The following EML1 variants were observed in gnomAD, a reference collection of about 807,000 sequenced individuals.
EML1 encodes EMAP like 1, also known as echinoderm microtubule-associated protein-like 1.
A neutral mutation model predicts 110.4 loss-of-function variants in EML1; 27 were observed. That is an observed-to-expected ratio of 0.24 (90% CI 0.18 to 0.34). The LOEUF is 0.34. EML1 is among the 10% of genes least tolerant of loss of function. The pLI is 1.00. For missense variants in EML1, 741 were observed against 1,030.9 expected (o/e 0.72, Z 3.85); for synonymous variants, 344 against 385.8 (o/e 0.89, Z 1.27).
At chr14:99,846,386 G>A (rs1358532226) in intron 1 of EML1, among the ~76,000 whole-genome samples, 1 of 149,294 alleles carries the variant, frequency 6.7e-6, no homozygotes, top group Non-Finnish European at 1.5e-5. Flanking sequence ...AGGTTCAAGC[G>A]ATTCTCCTGC....
chr14:99,851,474 AT>A, intron 2 of EML1, among the ~76,000 whole-genome samples: 2 of 152,064 alleles, frequency 1.3e-5, no homozygotes, highest in East Asian at 3.9e-4. Flanking sequence ...CGCCCGGCTT[AT>A]TTTTTGTATT....
At chr14:99,857,669 A>T (rs2058927213) in intron 2 of EML1, among the ~76,000 whole-genome samples, 1 of 152,208 alleles carries the variant, frequency 6.6e-6, no homozygotes, top group African/African-American at 2.4e-5. Flanking sequence ...AAATGAATTC[A>T]TACAATATGT....
At chr14:99,843,714 C>G (rs1475252236) in intron 1 of EML1, among the ~76,000 whole-genome samples, 1 of 152,174 alleles carries the variant, frequency 6.6e-6, no homozygotes, top group Non-Finnish European at 1.5e-5. Flanking sequence ...CCAGTGCTGT[C>G]AACACTGACT....
intron 1 of EML1, among the ~76,000 whole-genome samples, chr14:99,826,332 C>T (rs1045687753): frequency 6.6e-6 from 1 of 152,014 alleles, no homozygotes; most frequent in Non-Finnish European, 1.5e-5. Flanking sequence ...AGGCTGGTTT[C>T]GAACACCTGA....
At chr14:99,793,159 AGGCCGCCCG>A (rs1378503966), upstream of EML1, among the ~76,000 whole-genome samples, 1 of 146,938 alleles carries the variant, frequency 6.8e-6, no homozygotes, top group African/African-American at 2.5e-5. Flanking sequence ...TGCGGCTCCC[AGGCCGCCCG>A]GGCCGCGCTC....
chr14:99,926,006 G>A (rs1389504566), intron 17 of EML1, among the ~76,000 whole-genome samples: 1 of 152,178 alleles, frequency 6.6e-6, no homozygotes, highest in African/African-American at 2.4e-5. Flanking sequence ...GTTCTTCCCT[G>A]CCAGGACCGC....
At chr14:99,854,877 C>T (rs1260174516) in intron 2 of EML1, among the ~76,000 whole-genome samples, 4 of 152,106 alleles carry the variant, frequency 2.6e-5, no homozygotes, top group Admixed American at 2.0e-4. Context: ...TGGGGCAATA[C>T]TCTGGTAGCA....
intron 1 of EML1, among the ~76,000 whole-genome samples, chr14:99,763,745 T>C (rs2057339207): frequency 6.6e-6 from 1 of 152,130 alleles, no homozygotes; most frequent in African/African-American, 2.4e-5. Flanking sequence ...ATCCCTCACC[T>C]CTCTGACCTC....
rs114152057 is a variant in EML1 at position 99,803,450 on chromosome 14, A to G, written c.67+9907A>G. Among the ~76,000 whole-genome samples the G allele has an allele frequency of 2.8e-3, 432 of 152,326 alleles. 2 individuals are homozygous for G. The highest frequency in any genetic ancestry group is 9.9e-3 in the African/African-American group (410 of 41,578). On this transcript the variant is annotated intron_variant, in intron 1 of 21. Transcript: ENST00000262233. ...CTACCCTTCAGCAAAGAACTGGTAG[A>G]CTTAGACATTCAGAAGAGAAGGCTT...
rs1204175377 is a variant in EML1 at position 99,901,101 on chromosome 14, G to A, written c.1008+62G>A. 8 of 1,417,940 alleles carry A rather than the reference G, an allele frequency of 5.6e-6. No homozygotes were observed. The Admixed American group carries it at 1.2e-4, about 21-fold the overall frequency. The allele number at this position is 1,417,940 out of a possible 1,614,324, so 87.8% of individuals were successfully genotyped here. A position where few individuals can be genotyped will look rare whatever the true frequency, so the allele number is the denominator to read the frequency against. On this transcript the variant is annotated intron_variant, in intron 9 of 21. Coordinates refer to ENST00000262233, the MANE Select transcript of EML1 (RefSeq NM_004434.3). ...CACAGGAAGTAGAGAATCAACTCAG[G>A]GTTGAAGAGGGGGAGTTGACACACT...
chr14:99,755,677 C>T (rs1377462335), intron 1 of EML1, among the ~76,000 whole-genome samples: 3 of 152,182 alleles, frequency 2.0e-5, no homozygotes, highest in Admixed American at 6.5e-5. Context: ...GAACAGGGTG[C>T]CTCTCTGGAT....
At chr14:99,898,410 C>A in intron 8 of EML1, 108 bp downstream of exon 8, 1 of 1,033,026 alleles carries the variant, frequency 9.7e-7, no homozygotes, top group South Asian at 1.9e-5. Flanking sequence ...ATTATGGTAT[C>A]TGAAAACTTC....
intron 7 of EML1, among the ~76,000 whole-genome samples, chr14:99,897,837 G>A (rs949947289): frequency 4.6e-5 from 7 of 152,106 alleles, no homozygotes; most frequent in Admixed American, 2.0e-4. Context: ...GTGAAGAGAT[G>A]GATTTATATA....
intron 1 of EML1, among the ~76,000 whole-genome samples, chr14:99,739,125 T>A (rs143936923): frequency 0.1 from 1,846 of 17,682 alleles, 40 homozygotes; most frequent in African/African-American, 0.13. Context: ...AGAGAGTGTG[T>A]GTGTGTGTGT....
At chr14:99,763,276 C>CA (rs1185578808) in intron 1 of EML1, among the ~76,000 whole-genome samples, 1 of 152,188 alleles carries the variant, frequency 6.6e-6, no homozygotes, top group Non-Finnish European at 1.5e-5. Flanking sequence ...AGCAGTGCAA[C>CA]TAATACAGTG....
At chr14:99,805,528 G>A (rs1183076101) in intron 1 of EML1, among the ~76,000 whole-genome samples, 2 of 152,172 alleles carry the variant, frequency 1.3e-5, no homozygotes, top group South Asian at 2.1e-4. Flanking sequence ...AGGCTGGAGC[G>A]CAGTGATATG....
intron 4 of EML1, among the ~76,000 whole-genome samples, chr14:99,887,187 G>A (rs1039039083): frequency 3.3e-5 from 5 of 152,148 alleles, no homozygotes; most frequent in African/African-American, 9.7e-5. Flanking sequence ...CTCATCCTCC[G>A]TTGAGTCTCC....
chr14:99,749,120 A>G (rs866520475), intron 1 of EML1, among the ~76,000 whole-genome samples: 2 of 152,002 alleles, frequency 1.3e-5, no homozygotes, highest in Non-Finnish European at 2.9e-5. Context: ...TGCTATGAAC[A>G]CTCGTGTACC....
intron 1 of EML1, among the ~76,000 whole-genome samples, chr14:99,829,271 TGGA>T (rs1412227723): frequency 2.6e-5 from 4 of 152,288 alleles, no homozygotes; most frequent in African/African-American, 7.2e-5. Flanking sequence ...TCAGTGCCTC[TGGA>T]GGAGGCTCTG....
Sources: gnomAD v4.1 joint callset for allele counts (sites outside exome capture counted in the v4.1 genomes callset) on GRCh38, gnomAD v4.1.1 for gene constraint, MANE v1.5 for transcripts, NCBI Gene and HGNC (gene_info 2026-07-23, HGNC 2026-07-21) for gene names.